HELZ: variants seen among roughly 807,000 people sequenced by gnomAD.
HELZ encodes the protein ATP-dependent RNA helicase with zinc finger domain.
Under a neutral mutation model 218.2 loss-of-function variants are expected in HELZ, and 23 were observed. The ratio of observed to expected loss-of-function variants is 0.11; its 90% CI spans 0.08 to 0.15. HELZ has a LOEUF of 0.15. Ranked by LOEUF, HELZ falls within the 10% of genes least tolerant of loss-of-function variation. The probability of loss-of-function intolerance (pLI) is 1.00; values close to 1 mark genes in which losing one functional copy is unlikely to be tolerated. For missense variants in HELZ, 1,813 were observed against 2,353.7 expected (o/e 0.77, Z 4.75); for synonymous variants, 814 against 829.4 (o/e 0.98, Z 0.32).
chr17:67,123,862 A>C, intron 25 of HELZ, 101 bp downstream of exon 25: 2 of 791,308 alleles, frequency 2.5e-6, no homozygotes, highest in South Asian at 2.8e-5. Flanking sequence ...AGAAAGAGAG[A>C]GAGAAACCAT....
chr17:67,119,750 G>A (rs994021455), intron 27 of HELZ, among the ~76,000 whole-genome samples: 2 of 151,652 alleles, frequency 1.3e-5, no homozygotes, highest in Non-Finnish European at 2.9e-5. Context: ...AAAATATTTC[G>A]AGTTAACAAA....
chr17:67,234,616 C>T (rs114954617), intron 3 of HELZ, among the ~76,000 whole-genome samples: 1,606 of 151,824 alleles, frequency 0.011, 30 homozygotes, highest in African/African-American at 0.036. Flanking sequence ...AGGCCAAGTG[C>T]TTCAGGCCAG....
intron 20 of HELZ, among the ~76,000 whole-genome samples, chr17:67,146,352 T>C (rs1319262833): frequency 1.3e-5 from 2 of 152,230 alleles, no homozygotes; most frequent in African/African-American, 4.8e-5. Flanking sequence ...ATACTTACCA[T>C]TGTTTTACAA....
intron 17 of HELZ, among the ~76,000 whole-genome samples, chr17:67,154,581 C>T (rs2038783706): frequency 6.6e-6 from 1 of 152,014 alleles, no homozygotes; most frequent in African/African-American, 2.4e-5. Flanking sequence ...TATTAAAAGT[C>T]AGCTTTAAAT....
intron 24 of HELZ, among the ~76,000 whole-genome samples, chr17:67,124,715 G>A (rs141314324): frequency 6.6e-6 from 1 of 152,184 alleles, no homozygotes; most frequent in East Asian, 1.9e-4. Flanking sequence ...TGGTTTATGT[G>A]TGTAATAAAT....
At chr17:67,245,705 C>A (rs1291002835), upstream of HELZ, 3 of 163,184 alleles carry the variant, frequency 1.8e-5, no homozygotes, top group Non-Finnish European at 3.8e-5. Context: ...CCCTGGGAAA[C>A]CGCCCCGGGG....
At chr17:67,124,163 CT>C (rs2037709382) in intron 24 of HELZ, 149 bp from the exon 25 acceptor site, 2 of 513,146 alleles carry the variant, frequency 3.9e-6, no homozygotes, top group African/African-American at 4.0e-5. Context: ...CATTAGACTG[CT>C]TTGAGCCAAT....
intron 7 of HELZ, among the ~76,000 whole-genome samples, chr17:67,200,281 T>C (rs899552194): frequency 6.6e-6 from 1 of 152,202 alleles, no homozygotes; most frequent in Non-Finnish European, 1.5e-5. Context: ...CTCAGGGCCT[T>C]TTACATGCCA....
intron 31 of HELZ, among the ~76,000 whole-genome samples, chr17:67,101,458 A>G (rs2036928851): frequency 6.6e-6 from 1 of 152,248 alleles, no homozygotes; most frequent in African/African-American, 2.4e-5. Flanking sequence ...AACTTAAAAC[A>G]GTATAATTCT....
intron 32 of HELZ, among the ~76,000 whole-genome samples, chr17:67,080,578 C>A (rs1358837442): frequency 6.6e-6 from 1 of 152,198 alleles, no homozygotes; most frequent in African/African-American, 2.4e-5. Context: ...CCTTCTCAAT[C>A]CAATAAATAT....
Position 67,243,828 on chromosome 17 carries a change from T to G in HELZ, c.-120A>C, listed in dbSNP as rs2041392578. The stretch of plus-strand genomic sequence containing the variant: ...CTGTAGTTCATTAGTGATCCATTAC[T>G]TCATCCAAATCCTGAGGCAAATAGA... On this transcript the variant is annotated 5_prime_UTR_variant, in exon 2 of 33. Coordinates refer to ENST00000358691, the MANE Select transcript of HELZ (RefSeq NM_014877.4). 5.4e-6 allele frequency: 1 copy of G among 186,124 alleles called. No homozygotes were observed. The highest frequency in any genetic ancestry group is 2.4e-5 in the African/African-American group (1 of 42,026). 11.5% of individuals were successfully genotyped at this position (186,124 alleles called of 1,614,324 possible).
At chr17:67,092,722 T>C (rs1191723672) in intron 31 of HELZ, among the ~76,000 whole-genome samples, 11 of 152,098 alleles carry the variant, frequency 7.2e-5, no homozygotes, top group Admixed American at 7.2e-4. Flanking sequence ...TCCCAGCACT[T>C]TGGGAGGCCG....
chr17:67,179,680 A>G (rs1208929250), intron 12 of HELZ: 1 of 152,148 alleles, frequency 6.6e-6, no homozygotes, highest in East Asian at 1.9e-4. Flanking sequence ...CTCACTCTAT[A>G]TGTAGTGCGT....
chr17:67,158,497 T>C (rs2038906051), intron 17 of HELZ, among the ~76,000 whole-genome samples: 1 of 152,202 alleles, frequency 6.6e-6, no homozygotes, highest in Non-Finnish European at 1.5e-5. Context: ...AAGAAATACA[T>C]TTGCAAGTTA....
At chr17:67,229,892 C>T (rs2040990334) in intron 3 of HELZ, among the ~76,000 whole-genome samples, 1 of 152,074 alleles carries the variant, frequency 6.6e-6, no homozygotes, top group Non-Finnish European at 1.5e-5. Flanking sequence ...AGAGACTAAG[C>T]CTACAGAGAA....
At chr17:67,240,494 C>T (rs1160074326) in intron 2 of HELZ, among the ~76,000 whole-genome samples, 2 of 152,098 alleles carry the variant, frequency 1.3e-5, no homozygotes, top group African/African-American at 4.8e-5. Context: ...TTTTTTAAAA[C>T]TGTATTAGTT....
chr17:67,233,131 C>T (rs971495385), intron 3 of HELZ, among the ~76,000 whole-genome samples: 1 of 152,048 alleles, frequency 6.6e-6, no homozygotes, highest in African/African-American at 2.4e-5. Context: ...GAGACTCCGT[C>T]TCAAAAAAAT....
chr17:67,238,260 T>A (rs2041235671), intron 3 of HELZ, among the ~76,000 whole-genome samples: 1 of 140,526 alleles, frequency 7.1e-6, no homozygotes, highest in South Asian at 2.2e-4. Flanking sequence ...GTAAGGAGAA[T>A]CGCTTGAACC....
At chr17:67,113,646 G>A (rs1285597077) in intron 28 of HELZ, among the ~76,000 whole-genome samples, 1 of 152,162 alleles carries the variant, frequency 6.6e-6, no homozygotes. Flanking sequence ...CTAAATTTAA[G>A]GTTACAAATT....
Sources: allele counts gnomAD v4.1 joint callset (sites outside exome capture counted in the v4.1 genomes callset), GRCh38; gene constraint gnomAD v4.1.1; transcripts MANE v1.5; gene names NCBI Gene and HGNC (gene_info 2026-07-23, HGNC 2026-07-21).